PRKN: variants seen among roughly 807,000 people sequenced by gnomAD.
The protein encoded by PRKN is E3 ubiquitin-protein ligase parkin.
PRKN carries 56 observed loss-of-function variants against 59.5 expected under a neutral mutation model. The observed-to-expected ratio is 0.94, with a 90% CI of 0.76 to 1.18. The LOEUF (loss-of-function observed/expected upper bound fraction) is 1.18, where lower values mean the gene tolerates loss of function less well. Ranked by LOEUF, PRKN falls within the 50% of genes most tolerant of loss-of-function variation. The probability of loss-of-function intolerance (pLI) is 0.00; values close to 1 mark genes in which losing one functional copy is unlikely to be tolerated. For synonymous variants in PRKN, 250 were observed against 222.1 expected (o/e 1.13, Z -1.12); for missense variants, 657 against 596.4 (o/e 1.10, Z -1.06).
rs1242030157 is a variant in PRKN, at chr6:161,902,564, A to ATCTATTTTTTTTTTTTTT, written c.734+70737_734+70738insAAAAAAAAAAAAAATAGA. Among the ~76,000 whole-genome samples, 846 of 111,874 alleles carry ATCTATTTTTTTTTTTTTT rather than the reference A, an allele frequency of 7.6e-3. 27 individuals carry two copies. The highest frequency in any genetic ancestry group is 0.025 in the Middle Eastern group (5 of 198). The allele number at this position is 111,874 out of a possible 152,430, so 73.4% of individuals were successfully genotyped here. A position where few individuals can be genotyped will look rare whatever the true frequency, so the allele number is the denominator to read the frequency against. ...TATCTATCTATTTATTTATTTATTT[A>ATCTATTTTTTTTTTTTTT]TTTTTTTTTTTTTGCGACAGAGTCT... On this transcript the variant is annotated intron_variant, in intron 6 of 11. Coordinates refer to ENST00000366898, the MANE Select transcript of PRKN (RefSeq NM_004562.3).
In PRKN at chr6:161,471,212, A is replaced by T. The variant is rs1221926938; in HGVS notation, c.1083+77642T>A. ...GGCCAGGTAATGAATAGAGTGAAAA[A>T]TGTACATTAGAAAAATGCTCTTTCA... On this transcript the variant is annotated intron_variant, in intron 9 of 11. Coordinates refer to ENST00000366898, the MANE Select transcript of PRKN (RefSeq NM_004562.3). This position sits in a 1 kb window ranked among gnomAD's most constrained non-coding sequence, Gnocchi z 4.5. Among the ~76,000 whole-genome samples, 1 of 152,180 alleles carries T rather than the reference A, an allele frequency of 6.6e-6. No individual in the cohort carries two copies. The highest frequency in any genetic ancestry group is 2.4e-5 in the African/African-American group (1 of 41,454).
chr6:162,332,375 G>A (rs867651739), intron 2 of PRKN, among the ~76,000 whole-genome samples: 1 of 152,168 alleles, frequency 6.6e-6, no homozygotes, highest in South Asian at 2.1e-4. Flanking sequence ...AACCTGGCCT[G>A]CGCCCCTCTC....
At position 161,488,426 on chromosome 6, in the gene PRKN, A is replaced by G. The variant is rs939775298; in HGVS notation, c.1083+60428T>C. On this transcript the variant is annotated intron_variant, in intron 9 of 11. Coordinates refer to ENST00000366898, the MANE Select transcript of PRKN (RefSeq NM_004562.3). This position sits in a 1 kb window ranked among gnomAD's most constrained non-coding sequence, Gnocchi z 4.5. ...TTAGTATAAATTATAATGGAATTTA[A>G]GTAATGTTCACAGAGGAGCAGAGAA... 5.3e-5 allele frequency among the ~76,000 whole-genome samples: 8 copies of G among 152,240 alleles called. No individual in the cohort carries two copies. The highest frequency in any genetic ancestry group is 1.7e-4 in the African/African-American group (7 of 41,462).
In PRKN at chr6:161,996,671, T is replaced by C. The variant is rs540210201; in HGVS notation, c.619-23254A>G. 2.6e-5 allele frequency among the ~76,000 whole-genome samples: 4 copies of C among 151,294 alleles called. No individual in the cohort carries two copies. In the East Asian group the frequency reaches 7.7e-4, roughly 29 times the overall value. On this transcript the variant is annotated intron_variant, in intron 5 of 11. Transcript: ENST00000366898. ...AATTTAATAGTTACGTTAACATGTA[T>C]TGCTATTTCAATACTTTTATATTTA...
In PRKN at chr6:161,470,185, C is replaced by T. The variant is rs1790715556; in HGVS notation, c.1083+78669G>A. On this transcript the variant is annotated intron_variant, in intron 9 of 11. Transcript: ENST00000366898. The surrounding 1 kb of genome is among the most constrained non-coding windows in gnomAD (Gnocchi z 5.1). ...ACCTAGACAGTCTGAGCCTTGTAAC[C>T]TACACTAAAATAATGGTGTACAGTC... Among the ~76,000 whole-genome samples the T allele has an allele frequency of 1.3e-5, 2 of 152,310 alleles. No homozygotes were observed. The highest frequency in any genetic ancestry group is 4.1e-4 in the South Asian group (2 of 4,822).
intron 1 of PRKN, among the ~76,000 whole-genome samples, chr6:162,670,166 C>T (rs927927899): frequency 6.6e-6 from 1 of 152,184 alleles, no homozygotes; most frequent in Admixed American, 6.5e-5. Context: ...TTTCAAACTG[C>T]TGTGAAAAGT....
At chr6:161,367,440 G>A (rs181811069) in intron 10 of PRKN, among the ~76,000 whole-genome samples, 22 of 151,824 alleles carry the variant, frequency 1.4e-4, no homozygotes, top group Admixed American at 7.9e-4. Context: ...TAGGGGTTAC[G>A]GTGTAGAAAA....
chr6:162,419,978 G>A (rs759469065), intron 2 of PRKN, among the ~76,000 whole-genome samples: 54 of 152,134 alleles, frequency 3.5e-4, no homozygotes, highest in East Asian at 7.7e-4. Context: ...GACTGGTTTC[G>A]TGGGAGACAG....
intron 1 of PRKN, among the ~76,000 whole-genome samples, chr6:162,594,157 CA>C (rs111823678): frequency 0.023 from 3,369 of 147,238 alleles, 123 homozygotes; most frequent in African/African-American, 0.075. Context: ...CAAAAACAAA[CA>C]AAAAAAAAAC....
At chr6:162,076,223 C>T (rs1397219522) in intron 4 of PRKN, among the ~76,000 whole-genome samples, 2 of 152,212 alleles carry the variant, frequency 1.3e-5, no homozygotes, top group East Asian at 3.9e-4. Flanking sequence ...CCAGCATTGG[C>T]CTCCCAAAGT....
chr6:162,218,368 A>G (rs1777790551), intron 3 of PRKN, among the ~76,000 whole-genome samples: 1 of 151,968 alleles, frequency 6.6e-6, no homozygotes. Flanking sequence ...CTCGTTCACT[A>G]GGTGTGGGAA....
intron 9 of PRKN, among the ~76,000 whole-genome samples, chr6:161,510,134 T>C (rs1298551954): frequency 2.0e-5 from 3 of 152,182 alleles, no homozygotes; most frequent in African/African-American, 4.8e-5. Flanking sequence ...ATGAACACTT[T>C]TATAAAATTG....
intron 2 of PRKN, among the ~76,000 whole-genome samples, chr6:162,295,941 C>T (rs893203713): frequency 3.3e-5 from 5 of 151,986 alleles, no homozygotes; most frequent in African/African-American, 1.2e-4. Context: ...GATACCCATG[C>T]AGAAATTTTC....
chr6:161,564,165 G>A (rs936556103), intron 8 of PRKN, among the ~76,000 whole-genome samples: 6 of 152,172 alleles, frequency 3.9e-5, no homozygotes, highest in African/African-American at 1.2e-4. Flanking sequence ...TGCCCCCACC[G>A]CTGGCAGGAA....
chr6:162,194,757 C>G (rs1784425874), intron 4 of PRKN, among the ~76,000 whole-genome samples: 1 of 151,854 alleles, frequency 6.6e-6, no homozygotes, highest in Non-Finnish European at 1.5e-5. Context: ...TAACCTGGCT[C>G]TTTTGGAAGT....
In PRKN at chr6:161,618,187, T is replaced by G. The variant is rs899738811; in HGVS notation, c.872-48771A>C. ...TTCCTATCGTACATGAAGTGTTTGG[T>G]GTGGAACTTTATTTTATATCCCATG... On this transcript the variant is annotated intron_variant, in intron 7 of 11. Transcript: ENST00000366898. Among the ~76,000 whole-genome samples, 4 of 152,370 alleles carry G rather than the reference T, an allele frequency of 2.6e-5. No homozygotes were observed. The South Asian group carries it at 6.2e-4, about 24-fold the overall frequency.
intron 1 of PRKN, among the ~76,000 whole-genome samples, chr6:162,704,027 G>T (rs1338884604): frequency 6.6e-6 from 1 of 152,182 alleles, no homozygotes; most frequent in Non-Finnish European, 1.5e-5. Context: ...TTAGCTAAGA[G>T]ACACAGGTGC....
chr6:162,054,726 T>A (rs1184224125), intron 4 of PRKN, among the ~76,000 whole-genome samples: 1 of 152,170 alleles, frequency 6.6e-6, no homozygotes, highest in Non-Finnish European at 1.5e-5. Flanking sequence ...GAAATAAAAA[T>A]TCAATAAAAG....
intron 7 of PRKN, among the ~76,000 whole-genome samples, chr6:161,672,010 G>A (rs953364688): frequency 6.6e-6 from 1 of 152,152 alleles, no homozygotes; most frequent in Non-Finnish European, 1.5e-5. Flanking sequence ...CTTGCTTGGA[G>A]CGGTCCACAC....
Sources: gnomAD v4.1 joint callset for allele counts (sites outside exome capture counted in the v4.1 genomes callset) on GRCh38, gnomAD v4.1.1 for gene constraint, Gnocchi (gnomAD v3.1) non-coding constraint, MANE v1.5 for transcripts, NCBI Gene and HGNC (gene_info 2026-07-23, HGNC 2026-07-21) for gene names.